Variants in SLC29A4 observed in about 807,000 individuals in gnomAD.
The protein encoded by SLC29A4 is equilibrative nucleoside transporter 4.
A neutral mutation model predicts 43.9 loss-of-function variants in SLC29A4; 36 were observed. The observed-to-expected ratio is 0.82, with a 90% confidence interval of 0.63 to 1.08. The LOEUF is 1.08. SLC29A4 is among the 50% of genes least tolerant of loss of function. SLC29A4 has a pLI of 0.00. For missense variants in SLC29A4, 869 were observed against 755.3 expected, an observed-to-expected ratio of 1.15 and a Z score of -1.77; for synonymous variants, 491 against 338.0, an observed-to-expected ratio of 1.45 and a Z score of -4.97.
At chr7:5,301,148 C>T (rs1389791944) in intron 10 of SLC29A4, among the ~76,000 whole-genome samples, 2 of 151,994 alleles carry the variant, frequency 1.3e-5, no homozygotes, top group Non-Finnish European at 2.9e-5. Flanking sequence ...CCTATGGTCC[C>T]AGCTACTCGG....
chr7:5,299,369 G>A lies in SLC29A4; in HGVS notation c.1151G>A (p.Gly384Asp), dbSNP rs146078077. The A allele has an allele frequency of 1.4e-5, 22 of 1,612,244 alleles. No homozygotes were observed. The highest frequency in any genetic ancestry group is 1.6e-5 in the Non-Finnish European group (19 of 1,179,856). Residue 384 changes from glycine to aspartate, a missense_variant, in exon 9 of 11, where the codon GGC becomes GAC. By Grantham distance (94) the Gly-to-Asp change is moderately conservative. Coordinates refer to ENST00000396872, the MANE Select transcript of SLC29A4 (RefSeq NM_153247.4). Reference protein sequence around the residue: ...LESEIRHCILGEWLPILIMAV... With the variant: ...LESEIRHCILDEWLPILIMAV... ...TCTGAGATCCGCCACTGCATCCTGG[G>A]CGAGTGGCTGCCCATCCTCATCATG...
Position 5,306,889 on chromosome 7 carries a change from C to G in SLC29A4, c.*3950C>G, listed in dbSNP as rs185344946. On this transcript the variant is annotated 3_prime_UTR_variant, in exon 11 of 11. Coordinates refer to ENST00000396872, the MANE Select transcript of SLC29A4 (RefSeq NM_153247.4). ...TCCAAAAGAAACATAAAAAAAAAAACCAATAATTCCCCCAAAAAACAAACC... is the reference window on the plus strand; with the variant it reads ...TCCAAAAGAAACATAAAAAAAAAAAGCAATAATTCCCCCAAAAAACAAACC... 1 of 137,406 alleles carries G rather than the reference C, an allele frequency of 7.3e-6. No homozygotes were observed. The highest frequency in any genetic ancestry group is 2.3e-4 in the South Asian group (1 of 4,356). 8.5% of individuals were successfully genotyped at this position (137,406 alleles called of 1,614,324 possible).
At chr7:5,288,735 G>A (rs1034873353) in intron 2 of SLC29A4, among the ~76,000 whole-genome samples, 5 of 152,168 alleles carry the variant, frequency 3.3e-5, no homozygotes, top group African/African-American at 1.2e-4. Flanking sequence ...TGGGTTTTCA[G>A]CCCAGCTGTG....
intron 3 of SLC29A4, 127 bp downstream of exon 3, chr7:5,290,990 GA>G: frequency 6.5e-7 from 1 of 1,528,246 alleles, no homozygotes; most frequent in Non-Finnish European, 8.9e-7. Context: ...GCTCCACTGT[GA>G]GCTGCTGAGT....
chr7:5,287,420 A>AG (rs1298545360), intron 1 of SLC29A4, among the ~76,000 whole-genome samples: 2 of 134,490 alleles, frequency 1.5e-5, no homozygotes, highest in Admixed American at 6.9e-5. Context: ...CCTGTCTGAA[A>AG]AAAAAAAAAA....
intron 1 of SLC29A4, among the ~76,000 whole-genome samples, chr7:5,287,043 C>T (rs1339597961): frequency 1.3e-5 from 2 of 152,206 alleles, no homozygotes. Flanking sequence ...TGGTTGCTCC[C>T]CGGGACAGCA....
rs574852509 is a variant in SLC29A4 at position 5,293,074 on chromosome 7, G to A, written c.544+1253G>A. The stretch of plus-strand genomic sequence containing the variant: ...TAGATTCATACCTTTCCTTTAATCC[G>A]GGACGGTCCTTCACCCACCCCTGTG... On this transcript the variant is annotated intron_variant, in intron 5 of 10. Coordinates refer to ENST00000396872, the MANE Select transcript of SLC29A4 (RefSeq NM_153247.4). 7.3e-5 allele frequency among the ~76,000 whole-genome samples: 11 copies of A among 150,526 alleles called. No homozygotes were observed. The East Asian group carries it at 9.8e-4, about 13-fold the overall frequency.
At chr7:5,298,874 C>T (rs1241888258) in intron 7 of SLC29A4, 114 bp from the exon 8 acceptor site, 29 of 1,187,198 alleles carry the variant, frequency 2.4e-5, no homozygotes, top group Middle Eastern at 2.9e-4. Flanking sequence ...GTAGGTACCA[C>T]CTGAATGTCA....
intron 1 of SLC29A4, among the ~76,000 whole-genome samples, chr7:5,285,132 G>A (rs532483636): frequency 2.6e-5 from 4 of 152,234 alleles, no homozygotes; most frequent in Admixed American, 2.0e-4. Flanking sequence ...ACTCTCTGGC[G>A]CCTCCCAACG....
chr7:5,296,889 A>AGGGAGCTGGGGCCT, intron 6 of SLC29A4, 47 bp from the exon 7 acceptor site: 1 of 1,422,986 alleles, frequency 7.0e-7, no homozygotes, highest in Non-Finnish European at 9.4e-7. Flanking sequence ...GGGGCGGTGC[A>AGGGAGCTGGGGCCT]GGGAGCTGGG....
Position 5,299,380 on chromosome 7 carries a change from C to A in SLC29A4, c.1162C>A (p.Pro388Thr), listed in dbSNP as rs750075166. 1 of 1,612,032 alleles carries A rather than the reference C, an allele frequency of 6.2e-7. No individual in the cohort carries two copies. Among genetic ancestry groups the A allele is most frequent in the East Asian group, 2.2e-5 (1 of 44,876 alleles). Reference sequence around the variant, plus strand: ...CCACTGCATCCTGGGCGAGTGGCTGCCCATCCTCATCATGGCTGTGTTCAA... The same window carrying A: ...CCACTGCATCCTGGGCGAGTGGCTGACCATCCTCATCATGGCTGTGTTCAA... Reference protein sequence around the residue: ...IRHCILGEWLPILIMAVFNLS... With the variant: ...IRHCILGEWLTILIMAVFNLS... The change falls in exon 9 of 11, where the codon CCC becomes ACC. Residue 388 changes from proline (P) to threonine (T), a missense_variant. By Grantham distance (38) the Pro-to-Thr change is conservative (BLOSUM62 -1). Transcript: ENST00000396872.
chr7:5,286,501 C>T (rs1421136603), intron 1 of SLC29A4, among the ~76,000 whole-genome samples: 14 of 147,174 alleles, frequency 9.5e-5, no homozygotes, highest in Admixed American at 6.8e-4. Flanking sequence ...CCAGCCTGGG[C>T]GACAGAGCAA....
At chr7:5,298,155 C>T (rs138778570) in intron 7 of SLC29A4, among the ~76,000 whole-genome samples, 2 of 152,156 alleles carry the variant, frequency 1.3e-5, no homozygotes, top group Non-Finnish European at 2.9e-5. Context: ...TCACCTGGGC[C>T]CTTGGCTGGG....
intron 7 of SLC29A4, 49 bp downstream of exon 7, chr7:5,297,247 TCCCCACCGC>T (rs1785770440): frequency 1.4e-6 from 2 of 1,435,580 alleles, no homozygotes; most frequent in Non-Finnish European, 1.8e-6. Flanking sequence ...CCCTTCTCTG[TCCCCACCGC>T]TTCGTCGGGA....
chr7:5,286,072 G>A (rs2128086128), intron 1 of SLC29A4, among the ~76,000 whole-genome samples: 1 of 152,166 alleles, frequency 6.6e-6, no homozygotes, highest in South Asian at 2.1e-4. Context: ...CCCATGGGGT[G>A]GGCTTCTTCC....
rs745726220 is a variant in SLC29A4 at position 5,290,879 on chromosome 7, G to A, written c.301+16G>A. ...AAGTACCCAGGTGGGTCCCTCCACG[G>A]TCACGCCCAGCCACTCAGCATCCTC... On this transcript the variant is annotated intron_variant, in intron 3 of 10. Transcript: ENST00000396872. The A allele has an allele frequency of 6.3e-7, 1 of 1,599,074 alleles. No homozygotes were observed. Among genetic ancestry groups the A allele is most frequent in the Admixed American group, 1.7e-5 (1 of 59,482 alleles).
intron 1 of SLC29A4, among the ~76,000 whole-genome samples, chr7:5,286,380 G>A (rs369001545): frequency 6.6e-6 from 1 of 151,806 alleles, no homozygotes; most frequent in Non-Finnish European, 1.5e-5. Context: ...AAAATTAGCC[G>A]GGTGTGGCGG....
At chr7:5,298,405 G>GT (rs1345031513) in intron 7 of SLC29A4, among the ~76,000 whole-genome samples, 1 of 152,080 alleles carries the variant, frequency 6.6e-6, no homozygotes, top group East Asian at 1.9e-4. Flanking sequence ...GGGAAAAGCA[G>GT]AGAGGTCATA....
At chr7:5,290,052 A>ATTTTTT (rs386409422) in intron 2 of SLC29A4, among the ~76,000 whole-genome samples, 8 of 117,254 alleles carry the variant, frequency 6.8e-5, no homozygotes, top group Non-Finnish European at 1.2e-4. Flanking sequence ...TGCCCAGCTA[A>ATTTTTT]TTTTTTTTTT....
Sources: allele counts gnomAD v4.1 joint callset (sites outside exome capture counted in the v4.1 genomes callset), GRCh38; gene constraint gnomAD v4.1.1; transcripts MANE v1.5; gene names NCBI Gene and HGNC (gene_info 2026-07-23, HGNC 2026-07-21).